The following PID1 variants were observed in gnomAD, a reference collection of about 807,000 sequenced individuals.
The protein encoded by PID1 is PTB-containing, cubilin and LRP1-interacting protein.
Under a neutral mutation model 19.1 loss-of-function variants are expected in PID1, and 10 were observed. The observed-to-expected ratio is 0.52, with a 90% confidence interval of 0.32 to 0.89. The LOEUF (loss-of-function observed/expected upper bound fraction) is 0.89. PID1 is among the 40% of genes least tolerant of loss of function. The probability of loss-of-function intolerance (pLI) is 0.03; values close to 1 mark genes in which losing one functional copy is unlikely to be tolerated. For synonymous variants in PID1, 130 were observed against 116.0 expected, an observed-to-expected ratio of 1.12 and a Z score of -0.78; for missense variants, 248 against 285.3, an observed-to-expected ratio of 0.87 and a Z score of 0.94.
rs1693508001 is a variant in PID1 at position 229,029,819 on chromosome 2, G to A, written c.178-3711C>T. Among the ~76,000 whole-genome samples the A allele has an allele frequency of 3.6e-5, 5 of 139,594 alleles. No homozygotes were observed. The South Asian group carries it at 1.1e-3, about 31-fold the overall frequency. 91.6% of individuals were successfully genotyped at this position (139,594 alleles called of 152,430 possible). On this transcript the variant is annotated intron_variant, in intron 2 of 2. Coordinates refer to ENST00000392055, the MANE Select transcript of PID1 (RefSeq NM_001100818.2). The stretch of plus-strand genomic sequence containing the variant: ...CACATCACTGCACTCCAGCCTGGGT[G>A]ACAGAGTGACACTCCGTCTCAAAAA...
chr2:229,033,162 C>T (rs888190015), intron 2 of PID1, among the ~76,000 whole-genome samples: 3 of 152,178 alleles, frequency 2.0e-5, no homozygotes, highest in Non-Finnish European at 4.4e-5. Flanking sequence ...GAACCTGACT[C>T]ACCTCACGCT....
In PID1 at chr2:229,104,735, C is replaced by T. The variant is rs560529244; in HGVS notation, c.177+51083G>A. On this transcript the variant is annotated intron_variant, in intron 2 of 2. Transcript: ENST00000392055. ...AAGTGACTCTATCGCTTCTGAACTT[C>T]TGCCTCTCTGGGCTGACTTTCTTAC... is the stretch of plus-strand genomic sequence containing the variant. Among the ~76,000 whole-genome samples the T allele has an allele frequency of 4.6e-5, 7 of 152,344 alleles. 1 individual carries two copies. In the South Asian group the frequency reaches 1.4e-3, roughly 32 times the overall value.
rs530064354 is a variant in PID1, at chr2:229,232,059, C to G, written c.30+38955G>C. 8.5e-6 allele frequency: 13 copies of G among 1,538,322 alleles called. No homozygotes were observed. In the African/African-American group the frequency reaches 1.7e-4, roughly 20 times the overall value. On this transcript the variant is annotated intron_variant, in intron 1 of 2. Transcript: ENST00000392055. ...GCTAAGGGGCAGGCTGAACATGGCACGAAGCCTCTTGTACAAGGCTTTTCA... is the reference window on the plus strand; with the variant it reads ...GCTAAGGGGCAGGCTGAACATGGCAGGAAGCCTCTTGTACAAGGCTTTTCA...
intron 2 of PID1, among the ~76,000 whole-genome samples, chr2:229,144,597 T>A (rs756328229): frequency 5.9e-5 from 9 of 152,242 alleles, no homozygotes; most frequent in African/African-American, 2.2e-4. Context: ...CAGAAGTAAC[T>A]ATACTAGCAA....
chr2:229,203,970 G>A (rs183449901), intron 1 of PID1, among the ~76,000 whole-genome samples: 1 of 151,956 alleles, frequency 6.6e-6, no homozygotes. Context: ...GACCTATTTA[G>A]ACCTATTAGA....
intron 1 of PID1, among the ~76,000 whole-genome samples, chr2:229,214,719 G>C (rs1424331402): frequency 1.3e-5 from 2 of 152,080 alleles, no homozygotes; most frequent in Non-Finnish European, 2.9e-5. Context: ...TGCCACCCCA[G>C]AGTCAACCAC....
At chr2:229,101,316 T>C (rs1372505423) in intron 2 of PID1, among the ~76,000 whole-genome samples, 3 of 152,222 alleles carry the variant, frequency 2.0e-5, no homozygotes, top group Non-Finnish European at 4.4e-5. Context: ...GCTGCACTTA[T>C]CAACCCATCA....
intron 2 of PID1, among the ~76,000 whole-genome samples, chr2:229,089,071 CT>C (rs1043740129): frequency 6.6e-6 from 1 of 152,092 alleles, no homozygotes; most frequent in Admixed American, 6.6e-5. Context: ...CAGAGCCTTA[CT>C]TTTATACTCT....
chr2:229,154,113 T>G (rs901171681), intron 2 of PID1, among the ~76,000 whole-genome samples: 3 of 152,026 alleles, frequency 2.0e-5, no homozygotes, highest in Admixed American at 2.0e-4. Flanking sequence ...CAATAGCTCT[T>G]GGGAAGTTGG....
chr2:229,092,585 T>A (rs138857090), intron 2 of PID1, among the ~76,000 whole-genome samples: 1 of 152,164 alleles, frequency 6.6e-6, no homozygotes, highest in Non-Finnish European at 1.5e-5. Context: ...CTGTGCATGA[T>A]GACTAAGACC....
intron 1 of PID1, among the ~76,000 whole-genome samples, chr2:229,260,301 A>T (rs912415868): frequency 6.6e-6 from 1 of 152,038 alleles, no homozygotes; most frequent in Non-Finnish European, 1.5e-5. Context: ...AACACAACCT[A>T]AATACTCCCT....
rs1459923254 is a variant in PID1 at position 229,271,285 on chromosome 2, T to C, written c.-242A>G. ...TGTCCTGGCGCAGCTGCGAGAGGAC[T>C]GCGCAGCTCCGCCCGGGCCCGGCGA... On this transcript the variant is annotated 5_prime_UTR_variant, in exon 1 of 3. Transcript: ENST00000392055. 2 of 253,908 alleles carry C rather than the reference T, an allele frequency of 7.9e-6. No homozygotes were observed. Among genetic ancestry groups the C allele is most frequent in the East Asian group, 6.8e-5 (1 of 14,682 alleles). The allele number at this position is 253,908 out of a possible 1,614,324, so 15.7% of individuals were successfully genotyped here. A position where few individuals can be genotyped will look rare whatever the true frequency, so the allele number is the denominator to read the frequency against.
intron 2 of PID1, among the ~76,000 whole-genome samples, chr2:229,151,981 G>A (rs1213690433): frequency 1.3e-5 from 2 of 152,176 alleles, no homozygotes; most frequent in African/African-American, 4.8e-5. Flanking sequence ...TCCTGCTGGA[G>A]GATAAGGTGG....
At chr2:229,051,434 T>C (rs1267125035) in intron 2 of PID1, among the ~76,000 whole-genome samples, 1 of 152,142 alleles carries the variant, frequency 6.6e-6, no homozygotes, top group African/African-American at 2.4e-5. Flanking sequence ...GCCTCCCCGG[T>C]ACAAGCGGTT....
At chr2:229,069,143 T>TTGTGTGTGTG (rs61118908) in intron 2 of PID1, among the ~76,000 whole-genome samples, 2,655 of 140,654 alleles carry the variant, frequency 0.019, 53 homozygotes, top group East Asian at 0.058. Flanking sequence ...AGAAGGGTTT[T>TTGTGTGTGTG]TGTGTGTGTG....
intron 1 of PID1, among the ~76,000 whole-genome samples, chr2:229,267,890 C>T (rs1053234525): frequency 4.0e-5 from 6 of 151,828 alleles, no homozygotes; most frequent in Non-Finnish European, 5.9e-5. Flanking sequence ...TTCAAATCTG[C>T]TTCTTTAAAA....
intron 2 of PID1, among the ~76,000 whole-genome samples, chr2:229,047,501 T>A (rs914390813): frequency 6.6e-6 from 1 of 152,224 alleles, no homozygotes; most frequent in Non-Finnish European, 1.5e-5. Context: ...AAGAGAGTTT[T>A]ATGTCACCAG....
At chr2:229,062,747 G>T (rs1559215949) in intron 2 of PID1, among the ~76,000 whole-genome samples, 1 of 151,998 alleles carries the variant, frequency 6.6e-6, no homozygotes, top group Non-Finnish European at 1.5e-5. Context: ...CAGCAGCAAA[G>T]TCGTCTGGCC....
At chr2:229,100,779 G>C (rs2106227760) in intron 2 of PID1, among the ~76,000 whole-genome samples, 1 of 152,270 alleles carries the variant, frequency 6.6e-6, no homozygotes, top group Admixed American at 6.5e-5. Flanking sequence ...AACAAAGTCA[G>C]GGCCCCTCTG....
Sources: gnomAD v4.1 joint callset for allele counts (sites outside exome capture counted in the v4.1 genomes callset) on GRCh38, gnomAD v4.1.1 for gene constraint, MANE v1.5 for transcripts, NCBI Gene and HGNC (gene_info 2026-07-23, HGNC 2026-07-21) for gene names.